Variants in RARB observed in about 807,000 individuals in gnomAD.
RARB encodes the protein HBV-activated protein.
In RARB, 17 loss-of-function variants were observed where a neutral mutation model predicts 51.9. The observed-to-expected ratio is 0.33, with a 90% CI of 0.22 to 0.49. RARB has a LOEUF of 0.49. Among genes scored for constraint, RARB ranks in the 20% least tolerant of loss-of-function variants. The pLI is 0.99. For synonymous variants in RARB, 215 were observed against 195.4 expected (o/e 1.10, Z -0.84); for missense variants, 369 against 550.8 (o/e 0.67, Z 3.30).
chr3:25,490,557 C>A (rs1440125850), intron 2 of RARB, among the ~76,000 whole-genome samples: 1 of 152,164 alleles, frequency 6.6e-6, no homozygotes, highest in Non-Finnish European at 1.5e-5. Context: ...GGCTCTCTCT[C>A]CTTCTGCTTA....
chr3:25,350,145 A>T (rs188356401), intron 5 of RARB, among the ~76,000 whole-genome samples: 1 of 152,182 alleles, frequency 6.6e-6, no homozygotes, highest in East Asian at 1.9e-4. Context: ...CATTGCTTCC[A>T]TTACATTCTG....
intron 5 of RARB, among the ~76,000 whole-genome samples, chr3:25,583,939 C>G (rs149167216): frequency 6.6e-6 from 1 of 152,270 alleles, no homozygotes; most frequent in Admixed American, 6.5e-5. Flanking sequence ...GAGGGAGCCC[C>G]GGAGCAGGAG....
intron 4 of RARB, among the ~76,000 whole-genome samples, chr3:25,158,647 T>G (rs1700416663): frequency 6.6e-6 from 1 of 152,216 alleles, no homozygotes; most frequent in Non-Finnish European, 1.5e-5. Flanking sequence ...AGTACAAATA[T>G]AAAGTCATGA....
intron 3 of RARB, among the ~76,000 whole-genome samples, chr3:25,515,647 C>T (rs1276593694): frequency 6.6e-6 from 1 of 152,218 alleles, no homozygotes; most frequent in South Asian, 2.1e-4. Context: ...AGTGAAAGAA[C>T]TTAGAACAAG....
intron 1 of RARB, among the ~76,000 whole-genome samples, chr3:25,449,780 C>A (rs529640569): frequency 6.6e-6 from 1 of 151,152 alleles, no homozygotes; most frequent in East Asian, 1.9e-4. Context: ...TAGACGGAGT[C>A]CTGCTGTGTT....
chr3:25,520,105 A>T lies in RARB; in HGVS notation c.448+18782A>T, dbSNP rs375637713. Among the ~76,000 whole-genome samples, 4 of 152,340 alleles carry T rather than the reference A, an allele frequency of 2.6e-5. No homozygotes were observed. In the South Asian group the frequency reaches 6.2e-4, roughly 24 times the overall value. On this transcript the variant is annotated intron_variant, in intron 3 of 7. Transcript: ENST00000330688. ...GTCTGCTGCTGCCTCCTTGCTAAAC[A>T]ACAGAGTTGAGTAGTTGTCACAGAG...
chr3:24,938,282 A>T (rs1300393947), intron 2 of RARB, among the ~76,000 whole-genome samples: 1 of 152,168 alleles, frequency 6.6e-6, no homozygotes, highest in Non-Finnish European at 1.5e-5. Flanking sequence ...CCTCCCACTT[A>T]AAAACATCTC....
Position 25,491,188 on chromosome 3 carries a change from C to A in RARB, c.307-9994C>A, listed in dbSNP as rs767811557. Among the ~76,000 whole-genome samples the A allele has an allele frequency of 4.7e-4, 72 of 152,060 alleles. 1 individual carries two copies. Among genetic ancestry groups the A allele is most frequent in the Middle Eastern group, 3.2e-3 (1 of 316 alleles). On this transcript the variant is annotated intron_variant, in intron 2 of 7. Coordinates refer to ENST00000330688, the MANE Select transcript of RARB (RefSeq NM_000965.5). ...TTTAAGATATCCTCTTGAAACCGTGCGTAGATATGTGTGCTGTTTCGAAGG... is the reference window on the plus strand; with the variant it reads ...TTTAAGATATCCTCTTGAAACCGTGAGTAGATATGTGTGCTGTTTCGAAGG...
intron 2 of RARB, among the ~76,000 whole-genome samples, chr3:24,929,270 T>C (rs1456989864): frequency 6.6e-6 from 1 of 152,102 alleles, no homozygotes; most frequent in African/African-American, 2.4e-5. Flanking sequence ...TTACTTAATA[T>C]TTTAATAAAT....
intron 2 of RARB, among the ~76,000 whole-genome samples, chr3:24,893,061 C>T (rs1465643866): frequency 6.6e-6 from 1 of 152,204 alleles, no homozygotes; most frequent in Non-Finnish European, 1.5e-5. Context: ...GTTTAGTTAT[C>T]AGGGGCTAAA....
intron 1 of RARB, among the ~76,000 whole-genome samples, chr3:25,433,381 C>T (rs193024516): frequency 1.3e-5 from 2 of 152,156 alleles, no homozygotes; most frequent in East Asian, 1.9e-4. Context: ...GTCTGAAGAT[C>T]GCCTTGTGTT....
intron 6 of RARB, 65 bp downstream of exon 6, chr3:25,593,772 A>G: frequency 6.0e-6 from 9 of 1,493,970 alleles, no homozygotes; most frequent in Non-Finnish European, 8.3e-6. Context: ...GTAATTTGTG[A>G]AAAATTCCTC....
chr3:25,477,927 A>G (rs559299928), intron 2 of RARB, among the ~76,000 whole-genome samples: 1 of 152,270 alleles, frequency 6.6e-6, no homozygotes, highest in Admixed American at 6.5e-5. Context: ...TCTGGTAGGT[A>G]TTGGAGTTGT....
At chr3:24,868,895 T>C (rs1702897688) in intron 2 of RARB, among the ~76,000 whole-genome samples, 1 of 152,182 alleles carries the variant, frequency 6.6e-6, no homozygotes. Context: ...GTACACTTTA[T>C]ATGTATTTAA....
At chr3:25,303,476 G>T (rs1302282688) in intron 5 of RARB, among the ~76,000 whole-genome samples, 2 of 152,174 alleles carry the variant, frequency 1.3e-5, no homozygotes, top group African/African-American at 4.8e-5. Flanking sequence ...AGTAAGTGAA[G>T]CAAAAGGCCA....
chr3:24,992,621 G>C (rs1696936553), intron 2 of RARB, among the ~76,000 whole-genome samples: 1 of 152,182 alleles, frequency 6.6e-6, no homozygotes, highest in Non-Finnish European at 1.5e-5. Flanking sequence ...GAATCTTGAA[G>C]TCCAAGGTCA....
At chr3:25,409,796 G>A (rs1441176612) in intron 5 of RARB, among the ~76,000 whole-genome samples, 1 of 152,164 alleles carries the variant, frequency 6.6e-6, no homozygotes, top group Non-Finnish European at 1.5e-5. Context: ...TACCGCACAT[G>A]TCACCATAGA....
intron 5 of RARB, among the ~76,000 whole-genome samples, chr3:25,227,316 T>A (rs1702076534): frequency 6.6e-6 from 1 of 152,218 alleles, no homozygotes; most frequent in South Asian, 2.1e-4. Flanking sequence ...GTAGTAGATG[T>A]GTTTATCCAT....
chr3:25,567,623 T>C (rs1271444850), intron 3 of RARB, among the ~76,000 whole-genome samples: 2 of 152,218 alleles, frequency 1.3e-5, no homozygotes, highest in Non-Finnish European at 2.9e-5. Flanking sequence ...GGACAAGTTT[T>C]GCATAGACAC....
Sources: allele counts gnomAD v4.1 joint callset (sites outside exome capture counted in the v4.1 genomes callset), GRCh38; gene constraint gnomAD v4.1.1; transcripts MANE v1.5; gene names NCBI Gene and HGNC (gene_info 2026-07-23, HGNC 2026-07-21).